The following TERF2 variants were observed in gnomAD, a reference collection of about 807,000 sequenced individuals.
TERF2 encodes telomeric repeat binding factor 2, also known as telomeric repeat-binding factor 2.
Under a neutral mutation model 56.1 loss-of-function variants are expected in TERF2, and 16 were observed. That is an observed-to-expected ratio of 0.29 (90% confidence interval 0.19 to 0.43). The LOEUF is 0.43. Among genes scored for constraint, TERF2 ranks in the 20% least tolerant of loss-of-function variants. TERF2 has a pLI of 1.00. For missense variants in TERF2, 547 were observed against 712.9 expected (o/e 0.77, Z 2.65); for synonymous variants, 296 against 282.1 (o/e 1.05, Z -0.50).
chr16:69,371,745 G>A (rs570085015), intron 4 of TERF2, among the ~76,000 whole-genome samples: 2 of 152,194 alleles, frequency 1.3e-5, no homozygotes, highest in South Asian at 4.1e-4. Flanking sequence ...AGCTCAGGAA[G>A]TTGAGGCTGC....
Position 69,367,165 on chromosome 16 carries a change from T to C in TERF2, c.982A>G (p.Met328Val), listed in dbSNP as rs375693605. Residue 328 changes from methionine (M) to valine (V), a missense_variant, in exon 7 of 10, where the codon ATG becomes GTG. Transcript: ENST00000254942. ...LRNPPTTIGM[M>V]TLKAAFKTLS... ...GTCTTGAAAGCTGCTTTCAGAGTCA[T>C]CATTCCAATGGTGGTTGGAGGATTC... is the stretch of plus-strand genomic sequence containing the variant. 6.8e-6 allele frequency: 11 copies of C among 1,613,888 alleles called. No individual in the cohort carries two copies. Among genetic ancestry groups the C allele is most frequent in the Non-Finnish European group, 9.3e-6 (11 of 1,179,932 alleles).
intron 3 of TERF2, among the ~76,000 whole-genome samples, chr16:69,382,295 T>C (rs1342746547): frequency 6.6e-6 from 1 of 152,260 alleles, no homozygotes; most frequent in Non-Finnish European, 1.5e-5. Context: ...CTTAAATGCA[T>C]GAGCAAGGCT....
At position 69,385,870 on chromosome 16, in the gene TERF2, C is replaced by T; in HGVS notation, c.102G>A (p.Gly34=). The T allele has an allele frequency of 4.4e-6, 6 of 1,371,714 alleles. No individual in the cohort carries two copies. Among genetic ancestry groups the T allele is most frequent in the Non-Finnish European group, 5.7e-6 (6 of 1,060,342 alleles). 85.0% of individuals were successfully genotyped at this position (1,371,714 alleles called of 1,614,324 possible). ...TCGTGTCCGATCGCCGCGCGCCCTC[C>T]CCGCCCTCCCGGCCGGGCCGCTTCC... ...QPRKRPGREG[G]EGARRSDTMA... The change falls in exon 1 of 10, where the codon GGG becomes GGA. Residue 34 remains glycine, a synonymous_variant. Transcript: ENST00000254942.
intron 3 of TERF2, among the ~76,000 whole-genome samples, chr16:69,374,183 TCTTA>T (rs1231809819): frequency 2.0e-5 from 3 of 152,198 alleles, no homozygotes; most frequent in Non-Finnish European, 2.9e-5. Context: ...ATCATACAGG[TCTTA>T]CTGTTTTAAA....
At chr16:69,380,447 T>A (rs1455246432) in intron 3 of TERF2, among the ~76,000 whole-genome samples, 2 of 151,548 alleles carry the variant, frequency 1.3e-5, no homozygotes, top group Non-Finnish European at 2.9e-5. Context: ...GATCATGAGG[T>A]CAGGAGTGCA....
chr16:69,385,333 G>GT (rs2014153931), intron 2 of TERF2, 58 bp downstream of exon 2: 2 of 1,461,790 alleles, frequency 1.4e-6, no homozygotes, highest in Non-Finnish European at 1.9e-6. Flanking sequence ...CTAGATATAA[G>GT]TTTTAAAACA....
At position 69,366,869 on chromosome 16, in the gene TERF2, A is replaced by G. The variant is rs1356574822; in HGVS notation, c.1278T>C (p.Ala426=). The G allele has an allele frequency of 6.2e-7, 1 of 1,614,176 alleles. No individual in the cohort carries two copies. ...CGGTGGGCTTGGATGGTGGCGCTGA[A>G]GCGGCCTCCTGGGAGGAGTTGAGGC... ...SAGLNSSQEA[A]SAPPSKPTVL... The change falls in exon 7 of 10, where the codon GCT becomes GCC. Residue 426 remains alanine, a synonymous_variant. Transcript: ENST00000254942.
At chr16:69,366,594 C>T (rs2013353243) in intron 7 of TERF2, 1 of 573,424 alleles carries the variant, frequency 1.7e-6, no homozygotes, top group South Asian at 2.9e-5. Context: ...CACTCATGCC[C>T]TAGTGCAAGG....
intron 3 of TERF2, among the ~76,000 whole-genome samples, chr16:69,376,813 T>C (rs1289690742): frequency 6.7e-6 from 1 of 148,388 alleles, no homozygotes; most frequent in Non-Finnish European, 1.5e-5. Flanking sequence ...TGAGCCATGA[T>C]TATGCCACTG....
intron 3 of TERF2, among the ~76,000 whole-genome samples, chr16:69,375,496 C>T (rs970984325): frequency 2.6e-5 from 4 of 152,172 alleles, no homozygotes; most frequent in African/African-American, 9.7e-5. Context: ...CCCAGGAGTT[C>T]AAGTCCAGCA....
chr16:69,378,579 G>A (rs1351538666), intron 3 of TERF2, among the ~76,000 whole-genome samples: 2 of 152,186 alleles, frequency 1.3e-5, no homozygotes, highest in East Asian at 1.9e-4. Context: ...CACACCTGGA[G>A]TGCACTTCCA....
chr16:69,365,115 A>G (rs912422395), intron 7 of TERF2: 2 of 152,270 alleles, frequency 1.3e-5, no homozygotes, highest in Non-Finnish European at 2.9e-5. Flanking sequence ...AAACCTTCAC[A>G]AATCCTCCCA....
At chr16:69,370,945 A>T (rs890940574) in intron 4 of TERF2, among the ~76,000 whole-genome samples, 1 of 152,054 alleles carries the variant, frequency 6.6e-6, no homozygotes, top group African/African-American at 2.4e-5. Flanking sequence ...ATATGCTATC[A>T]CGTATGTGTA....
At chr16:69,368,629 G>C in intron 5 of TERF2, 147 bp from the exon 6 acceptor site, 1 of 1,530,724 alleles carries the variant, frequency 6.5e-7, no homozygotes. Context: ...AAATGGGAGA[G>C]AACTTGTAAG....
At chr16:69,383,581 T>A (rs995285649) in intron 3 of TERF2, among the ~76,000 whole-genome samples, 4 of 152,234 alleles carry the variant, frequency 2.6e-5, no homozygotes, top group African/African-American at 9.6e-5. Flanking sequence ...TGGAAATGAC[T>A]AATATTTAAG....
At chr16:69,379,780 TAA>T (rs1026070748) in intron 3 of TERF2, among the ~76,000 whole-genome samples, 10 of 152,222 alleles carry the variant, frequency 6.6e-5, no homozygotes, top group African/African-American at 2.2e-4. Context: ...TTTACTAAGA[TAA>T]AAGTTTAATG....
chr16:69,374,933 C>A (rs1433814048), intron 3 of TERF2, among the ~76,000 whole-genome samples: 1 of 152,106 alleles, frequency 6.6e-6, no homozygotes, highest in Non-Finnish European at 1.5e-5. Context: ...CCACTGCACT[C>A]CAGCCTGGGC....
intron 3 of TERF2, among the ~76,000 whole-genome samples, chr16:69,372,707 A>G (rs549525252): frequency 8.5e-4 from 129 of 152,276 alleles, no homozygotes; most frequent in Middle Eastern, 6.8e-3. Flanking sequence ...GGTTGCAGTA[A>G]GCCGAGATCG....
At chr16:69,380,747 G>A (rs1029874145) in intron 3 of TERF2, among the ~76,000 whole-genome samples, 4 of 150,910 alleles carry the variant, frequency 2.7e-5, no homozygotes, top group Admixed American at 1.3e-4. Context: ...TTGGTCATCT[G>A]GAAAATACTG....
Sources: gnomAD v4.1 joint callset for allele counts (sites outside exome capture counted in the v4.1 genomes callset) on GRCh38, gnomAD v4.1.1 for gene constraint, MANE v1.5 for transcripts, NCBI Gene and HGNC (gene_info 2026-07-23, HGNC 2026-07-21) for gene names.